KCNJ5: variants seen among roughly 807,000 people sequenced by gnomAD.
KCNJ5 encodes potassium inwardly rectifying channel subfamily J member 5.
A neutral mutation model predicts 20.2 loss-of-function variants in KCNJ5; 12 were observed. The observed-to-expected ratio is 0.59, with a 90% CI of 0.38 to 0.96. The LOEUF (loss-of-function observed/expected upper bound fraction) is 0.96, where lower values mean the gene tolerates loss of function less well. KCNJ5 is among the 40% of genes least tolerant of loss of function. The pLI is 0.00. For synonymous variants in KCNJ5, 210 were observed against 213.9 expected, an observed-to-expected ratio of 0.98 and a Z score of 0.16; for missense variants, 449 against 557.6, an observed-to-expected ratio of 0.81 and a Z score of 1.96.
rs907107817 is a variant in KCNJ5, at chr11:128,920,586, G to C, written c.*3855G>C. On this transcript the variant is annotated 3_prime_UTR_variant, in exon 3 of 3. Coordinates refer to ENST00000529694, the MANE Select transcript of KCNJ5 (RefSeq NM_000890.5). ...CACACCTCTGCCCATGCGCCATGGA[G>C]CATGTGTTAGGTGCCTGCCGTGGGT... 1 of 152,248 alleles carries C rather than the reference G, an allele frequency of 6.6e-6. No homozygotes were observed. The highest frequency in any genetic ancestry group is 6.5e-5 in the Admixed American group (1 of 15,288). 9.4% of individuals were successfully genotyped at this position (152,248 alleles called of 1,614,324 possible).
At chr11:128,901,036 T>C (rs1240337707) in intron 1 of KCNJ5, 1 of 152,254 alleles carries the variant, frequency 6.6e-6, no homozygotes, top group East Asian at 1.9e-4. Flanking sequence ...AATATTTCTA[T>C]TTCTTATATA....
chr11:128,915,815 AT>A (rs1944568098), intron 2 of KCNJ5, among the ~76,000 whole-genome samples: 1 of 150,346 alleles, frequency 6.7e-6, no homozygotes. Flanking sequence ...GGATGGATGG[AT>A]GGATGGATGG....
chr11:128,900,367 A>G (rs1944255083), intron 1 of KCNJ5: 1 of 152,196 alleles, frequency 6.6e-6, no homozygotes, highest in Non-Finnish European at 1.5e-5. Flanking sequence ...TTCTTTAATG[A>G]CAAAGTAACC....
At position 128,911,973 on chromosome 11, in the gene KCNJ5, A is replaced by G; in HGVS notation, c.700A>G (p.Ile234Val). The change falls in exon 2 of 3, where the codon ATC (isoleucine) becomes GTC (valine). Residue 234 changes from isoleucine (I) to valine (V), a missense_variant. Physicochemically the swap from Ile to Val is conservative, Grantham distance 29. Transcript: ENST00000529694. This position sits in a 1 kb window ranked among gnomAD's most constrained non-coding sequence, Gnocchi z 6.3. ...CAACTCCCACATCGTGGAGGCCTCC[A>G]TCCGGGCCAAGCTCATCAAGTCCCG... ...LRNSHIVEASIRAKLIKSRQT... is the reference protein window; with the variant it reads ...LRNSHIVEASVRAKLIKSRQT... 6.2e-7 allele frequency: 1 copy of G among 1,602,262 alleles called. No homozygotes were observed. The highest frequency in any genetic ancestry group is 8.5e-7 in the Non-Finnish European group (1 of 1,172,412).
chr11:128,902,600 T>C lies in KCNJ5; in HGVS notation c.-10-8664T>C, dbSNP rs765741914. The stretch of plus-strand genomic sequence containing the variant: ...ACCAGGCTGATGGGCACTGAGGGGG[T>C]AGCCCAGGCGGCCCTCTCTACTATC... On this transcript the variant is annotated intron_variant, in intron 1 of 2. Transcript: ENST00000529694. 61 of 1,612,772 alleles carry C rather than the reference T, an allele frequency of 3.8e-5. 1 individual carries two copies. In the South Asian group the frequency reaches 5.8e-4, roughly 15 times the overall value.
chr11:128,911,109 G>A lies in KCNJ5; in HGVS notation c.-10-155G>A, dbSNP rs1320316775. ...CCAGGGATACAAAAGAACCCTATAA[G>A]AGAGTGAGGCCCCTGCCCTTGAGGA... On this transcript the variant is annotated intron_variant, in intron 1 of 2. Coordinates refer to ENST00000529694, the MANE Select transcript of KCNJ5 (RefSeq NM_000890.5). This position sits in a 1 kb window ranked among gnomAD's most constrained non-coding sequence, Gnocchi z 6.3. The A allele has an allele frequency of 1.2e-5, 8 of 666,602 alleles. No individual in the cohort carries two copies. Among genetic ancestry groups the A allele is most frequent in the South Asian group, 6.9e-5 (4 of 58,244 alleles). The allele number at this position is 666,602 out of a possible 1,614,324, so 41.3% of individuals were successfully genotyped here. A position where few individuals can be genotyped will look rare whatever the true frequency, so the allele number is the denominator to read the frequency against.
intron 1 of KCNJ5, among the ~76,000 whole-genome samples, chr11:128,910,459 A>C (rs1314037797): frequency 6.6e-6 from 1 of 152,216 alleles, no homozygotes; most frequent in African/African-American, 2.4e-5. Flanking sequence ...AGGGGTGACC[A>C]ATTGACAAAT....
intron 1 of KCNJ5, chr11:128,905,543 C>G (rs1944392438): frequency 6.6e-6 from 1 of 152,266 alleles, no homozygotes; most frequent in South Asian, 2.1e-4. Context: ...CCTCCCCCGT[C>G]CCAACCTCCT....
chr11:128,902,339 A>G, intron 1 of KCNJ5: 1 of 624,826 alleles, frequency 1.6e-6, no homozygotes, highest in Non-Finnish European at 2.8e-6. Flanking sequence ...GCTTGCAGTC[A>G]GACATCTCTC....
At chr11:128,896,549 T>C (rs754077752) in intron 1 of KCNJ5, among the ~76,000 whole-genome samples, 14 of 152,150 alleles carry the variant, frequency 9.2e-5, no homozygotes, top group Non-Finnish European at 1.9e-4. Flanking sequence ...ATTGGCTTTT[T>C]TCACTCAACA....
intron 1 of KCNJ5, chr11:128,903,222 T>G (rs1944321716): frequency 1.9e-6 from 2 of 1,039,272 alleles, no homozygotes; most frequent in Non-Finnish European, 2.7e-6. Flanking sequence ...ACATTTTAAA[T>G]GTTTCTCTAC....
At position 128,911,444 on chromosome 11, in the gene KCNJ5, T is replaced by C. The variant is rs6590357; in HGVS notation, c.171T>C (p.Ser57=). The C allele has an allele frequency of 0.83, 1,336,245 of 1,614,136 alleles. 554,035 individuals are homozygous for C. The highest frequency in any genetic ancestry group is 0.91 in the African/African-American group (67,964 of 75,040). ...KKPRQRYMEK[S]GKCNVHHGNV... ...CACGCCAGCGCTACATGGAGAAGAG[T>C]GGCAAGTGCAACGTGCACCACGGCA... The change falls in exon 2 of 3, where the codon AGT becomes AGC. Residue 57 remains serine, a synonymous_variant. Coordinates refer to ENST00000529694, the MANE Select transcript of KCNJ5 (RefSeq NM_000890.5). This position sits in a 1 kb window ranked among gnomAD's most constrained non-coding sequence, Gnocchi z 6.3.
Position 128,911,384 on chromosome 11 carries a change from A to G in KCNJ5, c.111A>G (p.Thr37=). ...CCCGCGATTATGTCCCCATTGCCAC[A>G]GACCGTACGCGCCTGCTGGCCGAGG... ...KQARDYVPIA[T]DRTRLLAEGK... The change falls in exon 2 of 3, where the codon ACA becomes ACG. Residue 37 remains threonine, a synonymous_variant. Coordinates refer to ENST00000529694, the MANE Select transcript of KCNJ5 (RefSeq NM_000890.5). The surrounding 1 kb of genome is among the most constrained non-coding windows in gnomAD (Gnocchi z 6.3). 4 of 1,614,228 alleles carry G rather than the reference A, an allele frequency of 2.5e-6. No homozygotes were observed. Among genetic ancestry groups the G allele is most frequent in the Non-Finnish European group, 3.4e-6 (4 of 1,180,044 alleles).
Position 128,916,623 on chromosome 11 carries a change from A to G in KCNJ5, c.1152A>G (p.Pro384=), listed in dbSNP as rs987098040. The change falls in exon 3 of 3, where the codon CCA becomes CCG. Residue 384 remains proline (P), a synonymous_variant. Transcript: ENST00000529694. ...GRLLQYLPSP[P]LLGGCAEAGL... ...TCCTCCAGTACCTCCCCAGCCCCCC[A>G]CTGCTGGGGGGCTGTGCTGAGGCAG... 3.7e-6 allele frequency: 6 copies of G among 1,613,556 alleles called. No individual in the cohort carries two copies. The African/African-American group carries it at 8.0e-5, about 22-fold the overall frequency.
At chr11:128,914,392 C>A (rs1198337330) in intron 2 of KCNJ5, among the ~76,000 whole-genome samples, 8 of 152,170 alleles carry the variant, frequency 5.3e-5, no homozygotes, top group Non-Finnish European at 1.2e-4. Flanking sequence ...GCCCGCCATT[C>A]ACTTGTCCTC....
At chr11:128,895,875 G>A (rs1565542340) in intron 1 of KCNJ5, among the ~76,000 whole-genome samples, 2 of 152,200 alleles carry the variant, frequency 1.3e-5, no homozygotes, top group African/African-American at 2.4e-5. Context: ...TGGTGAAGGG[G>A]TAGAAGGAGC....
chr11:128,903,537 G>C (rs747088075), intron 1 of KCNJ5: 385 of 1,612,612 alleles, frequency 2.4e-4, no homozygotes, highest in Non-Finnish European at 3.1e-4. Flanking sequence ...ATCCAGTGAA[G>C]GGGTGTTAAG....
intron 1 of KCNJ5, among the ~76,000 whole-genome samples, chr11:128,895,388 C>T (rs974209439): frequency 6.8e-6 from 1 of 147,554 alleles, no homozygotes; most frequent in African/African-American, 2.6e-5. Context: ...CCCCACCCCC[C>T]CCCCAACCCC....
intron 1 of KCNJ5, chr11:128,902,486 G>A (rs1363739802): frequency 2.6e-6 from 4 of 1,544,072 alleles, no homozygotes; most frequent in Non-Finnish European, 2.6e-6. Context: ...TTAAGGAACA[G>A]GGATGTCATA....
Sources: allele counts gnomAD v4.1 joint callset (sites outside exome capture counted in the v4.1 genomes callset), GRCh38; gene constraint gnomAD v4.1.1; non-coding constraint Gnocchi (gnomAD v3.1); transcripts MANE v1.5; gene names NCBI Gene and HGNC (gene_info 2026-07-23, HGNC 2026-07-21).